The following BCKDHB variants were observed in gnomAD, a reference collection of about 807,000 sequenced individuals.
BCKDHB encodes the protein 2-oxoisovalerate dehydrogenase subunit beta, mitochondrial.
BCKDHB carries 41 observed loss-of-function variants against 48.5 expected under a neutral mutation model. The observed-to-expected ratio is 0.85, with a 90% CI of 0.66 to 1.10. BCKDHB has a LOEUF of 1.10. BCKDHB is among the 50% of genes least tolerant of loss of function. The pLI is 0.00. For synonymous variants in BCKDHB, 201 were observed against 174.8 expected (o/e 1.15, Z -1.18); for missense variants, 496 against 494.2 (o/e 1.00, Z -0.03).
chr6:80,340,676 C>T (rs1011908705), intron 9 of BCKDHB, among the ~76,000 whole-genome samples: 2 of 152,146 alleles, frequency 1.3e-5, no homozygotes, highest in East Asian at 1.9e-4. Context: ...ATTCAGGGCA[C>T]ATGGTTGCTA....
At chr6:80,129,509 C>A (rs1236918559) in intron 3 of BCKDHB, among the ~76,000 whole-genome samples, 1 of 152,090 alleles carries the variant, frequency 6.6e-6, no homozygotes, top group Non-Finnish European at 1.5e-5. Flanking sequence ...GTCCAAGAAC[C>A]TTTGGTGTTT....
intron 6 of BCKDHB, among the ~76,000 whole-genome samples, chr6:80,196,918 G>GA (rs1291881019): frequency 6.6e-6 from 1 of 152,110 alleles, no homozygotes; most frequent in East Asian, 1.9e-4. Flanking sequence ...TTTTGGCCTT[G>GA]AAAAGATTTC....
At chr6:80,272,197 T>A (rs898428535) in intron 8 of BCKDHB, among the ~76,000 whole-genome samples, 1 of 152,188 alleles carries the variant, frequency 6.6e-6, no homozygotes, top group Non-Finnish European at 1.5e-5. Flanking sequence ...TAGCTGAAAC[T>A]GCTGCATACT....
chr6:80,395,113 G>A, the BCKDHB span, among the ~76,000 whole-genome samples: 1 of 152,148 alleles, frequency 6.6e-6, no homozygotes, highest in African/African-American at 2.4e-5. Flanking sequence ...TCATAGCAGG[G>A]TGAGAATGGC....
At chr6:80,385,782 GTT>G in the BCKDHB span, among the ~76,000 whole-genome samples, 2 of 152,254 alleles carry the variant, frequency 1.3e-5, no homozygotes, top group Admixed American at 6.5e-5. Flanking sequence ...AAAGAACCGA[GTT>G]TTCGAATTTA....
chr6:80,436,190 G>A, the BCKDHB span, among the ~76,000 whole-genome samples: 1 of 109,354 alleles, frequency 9.1e-6, no homozygotes, highest in Non-Finnish European at 1.7e-5. Context: ...GTCTCGCTCT[G>A]CTGCCCAGGC....
At chr6:80,249,533 AC>A (rs1280986886) in intron 8 of BCKDHB, among the ~76,000 whole-genome samples, 1 of 152,202 alleles carries the variant, frequency 6.6e-6, no homozygotes, top group Non-Finnish European at 1.5e-5. Context: ...GGTGACCAGG[AC>A]ATGTTGTACT....
chr6:80,135,264 G>T (rs765139967), intron 3 of BCKDHB, among the ~76,000 whole-genome samples: 47 of 151,960 alleles, frequency 3.1e-4, no homozygotes, highest in Non-Finnish European at 5.3e-4. Flanking sequence ...TGAGATGGGG[G>T]TTTGGTTTCT....
the BCKDHB span, among the ~76,000 whole-genome samples, chr6:80,444,093 CA>C: frequency 6.6e-6 from 1 of 151,896 alleles, no homozygotes; most frequent in Non-Finnish European, 1.5e-5. Context: ...TTAAAAGCTA[CA>C]ATTTTTAGTT....
chr6:80,294,170 G>A (rs998735713), intron 9 of BCKDHB, among the ~76,000 whole-genome samples: 4 of 152,186 alleles, frequency 2.6e-5, no homozygotes, highest in Middle Eastern at 3.2e-3. Context: ...GGAGGGACCG[G>A]CTGGAGCTGC....
intron 9 of BCKDHB, among the ~76,000 whole-genome samples, chr6:80,302,490 G>A (rs1397037630): frequency 6.6e-6 from 1 of 152,088 alleles, no homozygotes; most frequent in East Asian, 1.9e-4. Flanking sequence ...TTTGCAAAAT[G>A]TTTAGTTCTG....
chr6:80,301,972 A>G (rs1767606966), intron 9 of BCKDHB, among the ~76,000 whole-genome samples: 1 of 151,784 alleles, frequency 6.6e-6, no homozygotes, highest in Non-Finnish European at 1.5e-5. Context: ...ATAACCCTCA[A>G]TAGGCTAGGC....
At chr6:80,248,899 T>C (rs1387577185) in intron 8 of BCKDHB, among the ~76,000 whole-genome samples, 1 of 63,798 alleles carries the variant, frequency 1.6e-5, no homozygotes, top group African/African-American at 6.0e-5. Flanking sequence ...TGTGTGTGTG[T>C]GTATGTGTGT....
intron 2 of BCKDHB, 83 bp from the exon 3 acceptor site, chr6:80,129,078 A>G (rs554437559): frequency 7.5e-6 from 8 of 1,072,376 alleles, no homozygotes; most frequent in Non-Finnish European, 1.1e-5. Context: ...TTAAAATGTA[A>G]ACATTTAAAT....
chr6:80,322,215 T>C (rs1421443468), intron 9 of BCKDHB, among the ~76,000 whole-genome samples: 1 of 151,036 alleles, frequency 6.6e-6, no homozygotes, highest in East Asian at 2.0e-4. Context: ...CTCTTAGACA[T>C]AGGCGTTTTC....
At chr6:80,111,535 G>T (rs929082295) in intron 1 of BCKDHB, among the ~76,000 whole-genome samples, 1 of 152,120 alleles carries the variant, frequency 6.6e-6, no homozygotes, top group East Asian at 1.9e-4. Flanking sequence ...AGTCTTTGTT[G>T]TGCAGATTAT....
chr6:80,147,133 A>G (rs1239173864), intron 3 of BCKDHB, among the ~76,000 whole-genome samples: 1 of 152,122 alleles, frequency 6.6e-6, no homozygotes, highest in Admixed American at 6.5e-5. Flanking sequence ...TAACTCACTT[A>G]ATTCTCAACA....
intron 1 of BCKDHB, among the ~76,000 whole-genome samples, chr6:80,110,576 C>A (rs9443734): frequency 6.6e-6 from 1 of 151,996 alleles, no homozygotes; most frequent in Non-Finnish European, 1.5e-5. Context: ...TTTTCTCTGG[C>A]ATTAGGATTT....
At chr6:80,447,511 T>C in the BCKDHB span, among the ~76,000 whole-genome samples, 172 of 150,884 alleles carry the variant, frequency 1.1e-3, 1 homozygote, top group Non-Finnish European at 5.3e-4. Flanking sequence ...ATAACCACAA[T>C]GTAGATATAT....
Sources: gnomAD v4.1 joint callset for allele counts (sites outside exome capture counted in the v4.1 genomes callset) on GRCh38, gnomAD v4.1.1 for gene constraint, MANE v1.5 for transcripts, NCBI Gene and HGNC (gene_info 2026-07-23, HGNC 2026-07-21) for gene names.